Variants in OSBPL6 observed in about 807,000 individuals in gnomAD.
The protein encoded by OSBPL6 is oxysterol-binding protein-related protein 6.
A neutral mutation model predicts 125.8 loss-of-function variants in OSBPL6; 49 were observed. The ratio of observed to expected loss-of-function variants is 0.39; its 90% CI spans 0.31 to 0.49. The LOEUF (loss-of-function observed/expected upper bound fraction) is 0.49, where lower values mean the gene tolerates loss of function less well. OSBPL6 is among the 20% of genes least tolerant of loss of function. OSBPL6 has a pLI of 0.88. For missense variants in OSBPL6, 986 were observed against 1,135.4 expected, an observed-to-expected ratio of 0.87 and a Z score of 1.89; for synonymous variants, 394 against 391.8, an observed-to-expected ratio of 1.01 and a Z score of -0.07.
chr2:178,313,135 G>T (rs1475444773), intron 3 of OSBPL6, among the ~76,000 whole-genome samples: 1 of 150,622 alleles, frequency 6.6e-6, no homozygotes, highest in Non-Finnish European at 1.5e-5. Context: ...ATCTCAGGAG[G>T]TCCACCTGCC....
intron 17 of OSBPL6, among the ~76,000 whole-genome samples, chr2:178,383,723 A>G (rs932133640): frequency 1.3e-5 from 2 of 152,224 alleles, no homozygotes; most frequent in Non-Finnish European, 2.9e-5. Flanking sequence ...ACATGAGGCT[A>G]AGATCATGCC....
At chr2:178,275,799 C>T (rs2092457883) in intron 1 of OSBPL6, among the ~76,000 whole-genome samples, 1 of 151,956 alleles carries the variant, frequency 6.6e-6, no homozygotes, top group Non-Finnish European at 1.5e-5. Flanking sequence ...GAAGCAGCAG[C>T]AGCAGCAGAA....
chr2:178,282,127 C>A (rs960476532), intron 1 of OSBPL6, among the ~76,000 whole-genome samples: 1 of 152,134 alleles, frequency 6.6e-6, no homozygotes, highest in African/African-American at 2.4e-5. Context: ...CTGGAAAGAT[C>A]AGTGAAGGAG....
chr2:178,273,138 G>A (rs1046535123), intron 1 of OSBPL6, among the ~76,000 whole-genome samples: 4 of 152,100 alleles, frequency 2.6e-5, no homozygotes, highest in Non-Finnish European at 4.4e-5. Context: ...TATGATTGGG[G>A]GAATTGCAAG....
At chr2:178,380,653 C>A (rs958422155) in intron 15 of OSBPL6, among the ~76,000 whole-genome samples, 2 of 151,886 alleles carry the variant, frequency 1.3e-5, no homozygotes, top group Non-Finnish European at 2.9e-5. Context: ...CTCAAAGTGA[C>A]CCATCTGATC....
At chr2:178,254,786 G>A (rs1397584880) in intron 1 of OSBPL6, among the ~76,000 whole-genome samples, 1 of 152,194 alleles carries the variant, frequency 6.6e-6, no homozygotes, top group African/African-American at 2.4e-5. Flanking sequence ...AAGTTCTGGG[G>A]CCTGTTGTTT....
At chr2:178,273,828 C>T (rs911193626) in intron 1 of OSBPL6, among the ~76,000 whole-genome samples, 4 of 152,168 alleles carry the variant, frequency 2.6e-5, no homozygotes, top group Non-Finnish European at 5.9e-5. Context: ...ACAGCATACA[C>T]TTATTTTGAT....
intron 12 of OSBPL6, 127 bp from the exon 13 acceptor site, chr2:178,361,555 A>T: frequency 1.9e-6 from 2 of 1,067,338 alleles, no homozygotes; most frequent in Non-Finnish European, 2.7e-6. Flanking sequence ...GCTGATTTTT[A>T]ATTAGACTAT....
intron 11 of OSBPL6, among the ~76,000 whole-genome samples, chr2:178,348,229 G>A (rs889220664): frequency 3.3e-5 from 5 of 152,330 alleles, no homozygotes; most frequent in Non-Finnish European, 5.9e-5. Flanking sequence ...TTCCCTGTTA[G>A]CCAGGGGGTG....
rs184412227 is a variant in OSBPL6 at position 178,218,968 on chromosome 2, T to A, written c.-351+24294T>A. On this transcript the variant is annotated intron_variant, in intron 1 of 24. Transcript: ENST00000190611. ...TTATTAGACCTGAATTTTTACCTCT[T>A]GTACATAATTCTTTGCTTTTTTTTT... is the stretch of plus-strand genomic sequence containing the variant. Among the ~76,000 whole-genome samples, 162 of 152,230 alleles carry A rather than the reference T, an allele frequency of 1.1e-3. 2 individuals carry two copies. The highest frequency in any genetic ancestry group is 3.8e-3 in the African/African-American group (156 of 41,538).
chr2:178,318,847 A>G (rs545949973), intron 3 of OSBPL6, among the ~76,000 whole-genome samples: 3 of 152,352 alleles, frequency 2.0e-5, no homozygotes, highest in South Asian at 2.1e-4. Flanking sequence ...TTTCTGTGGC[A>G]TGGGAATGCG....
At position 178,316,713 on chromosome 2, in the gene OSBPL6, C is replaced by T. The variant is rs370242471; in HGVS notation, c.103-7464C>T. The stretch of plus-strand genomic sequence containing the variant: ...ATAACAACTACTTACATCGCATTTA[C>T]ATAGTATTAGGTATCACAAGTAATA... On this transcript the variant is annotated intron_variant, in intron 3 of 24. Coordinates refer to ENST00000190611, the MANE Select transcript of OSBPL6 (RefSeq NM_032523.4). Among the ~76,000 whole-genome samples, 198 of 152,184 alleles carry T rather than the reference C, an allele frequency of 1.3e-3. No individual in the cohort carries two copies. The Middle Eastern group carries it at 0.017, about 13-fold the overall frequency.
intron 3 of OSBPL6, among the ~76,000 whole-genome samples, chr2:178,312,605 G>A (rs1169343321): frequency 6.7e-6 from 1 of 150,346 alleles, no homozygotes; most frequent in African/African-American, 2.4e-5. Context: ...ACAGGCGCCT[G>A]CCACCACATC....
At chr2:178,361,892 C>T in intron 13 of OSBPL6, 77 bp downstream of exon 13, 2 of 1,564,392 alleles carry the variant, frequency 1.3e-6, no homozygotes, top group South Asian at 1.2e-5. Context: ...AGATGGGGGG[C>T]TGGCAGGGAG....
At chr2:178,216,973 C>T (rs2090119621) in intron 1 of OSBPL6, among the ~76,000 whole-genome samples, 1 of 152,126 alleles carries the variant, frequency 6.6e-6, no homozygotes, top group African/African-American at 2.4e-5. Flanking sequence ...GATCCTGGGC[C>T]TGGAAGGAGA....
intron 1 of OSBPL6, among the ~76,000 whole-genome samples, chr2:178,208,151 G>A (rs539208915): frequency 1.8e-4 from 27 of 152,116 alleles, no homozygotes; most frequent in African/African-American, 4.6e-4. Context: ...CCAGCGTGGT[G>A]GCACGTGCCT....
At chr2:178,392,687 A>G in intron 23 of OSBPL6, 149 bp downstream of exon 23, 5 of 1,072,568 alleles carry the variant, frequency 4.7e-6, no homozygotes, top group Non-Finnish European at 6.4e-6. Flanking sequence ...GAGACTCTAT[A>G]TCTCTAAAAA....
intron 1 of OSBPL6, among the ~76,000 whole-genome samples, chr2:178,196,441 A>C (rs170792): frequency 0.098 from 14,937 of 152,176 alleles, 2,146 homozygotes; most frequent in African/African-American, 0.31. Context: ...CATTCAGTGG[A>C]TGGATTACCT....
intron 11 of OSBPL6, among the ~76,000 whole-genome samples, chr2:178,348,988 TTC>T (rs1343075448): frequency 6.6e-6 from 1 of 152,190 alleles, no homozygotes; most frequent in African/African-American, 2.4e-5. Context: ...CTATAGTTAT[TTC>T]TCTCTGTAGC....
Sources: gnomAD v4.1 joint callset for allele counts (sites outside exome capture counted in the v4.1 genomes callset) on GRCh38, gnomAD v4.1.1 for gene constraint, MANE v1.5 for transcripts, NCBI Gene and HGNC (gene_info 2026-07-23, HGNC 2026-07-21) for gene names.